The following TRIM8 variants were observed in gnomAD, a reference collection of about 807,000 sequenced individuals.
The protein encoded by TRIM8 is E3 ubiquitin-protein ligase TRIM8.
A neutral mutation model predicts 55.7 loss-of-function variants in TRIM8; 9 were observed. The observed-to-expected ratio is 0.16, with a 90% CI of 0.10 to 0.28. The LOEUF is 0.28. Ranked by LOEUF, TRIM8 falls within the 10% of genes least tolerant of loss-of-function variation. TRIM8 has a pLI of 1.00. For missense variants in TRIM8, 556 were observed against 736.4 expected, an observed-to-expected ratio of 0.76 and a Z score of 2.83; for synonymous variants, 335 against 333.3, an observed-to-expected ratio of 1.01 and a Z score of -0.06.
chr10:102,654,566 A>G, intron 1 of TRIM8, 87 bp from the exon 2 acceptor site: 1 of 1,051,966 alleles, frequency 9.5e-7, no homozygotes, highest in Non-Finnish European at 1.5e-6. Flanking sequence ...CAAAGGATCC[A>G]TAGGATGCAT....
chr10:102,645,702 G>T (rs1179315135), intron 1 of TRIM8: 1 of 152,798 alleles, frequency 6.5e-6, no homozygotes, highest in East Asian at 1.9e-4. Context: ...GGGGAGTGGG[G>T]GGAGTTTCCA....
At chr10:102,650,154 G>A (rs1037497051) in intron 1 of TRIM8, among the ~76,000 whole-genome samples, 3 of 152,078 alleles carry the variant, frequency 2.0e-5, no homozygotes, top group African/African-American at 7.2e-5. Context: ...TTGACTTGAG[G>A]GTTTTATTAT....
At chr10:102,653,765 A>C (rs2064002747) in intron 1 of TRIM8, 1 of 152,232 alleles carries the variant, frequency 6.6e-6, no homozygotes. Context: ...GATGCCCCCT[A>C]ATGTAAGGCG....
At chr10:102,645,390 C>T (rs2063925941) in intron 1 of TRIM8, 6 of 541,052 alleles carry the variant, frequency 1.1e-5, no homozygotes, top group Non-Finnish European at 1.9e-5. Flanking sequence ...CATTCTCGCA[C>T]CTGTGCGCAC....
At chr10:102,646,316 T>G (rs902082361) in intron 1 of TRIM8, among the ~76,000 whole-genome samples, 7 of 152,176 alleles carry the variant, frequency 4.6e-5, no homozygotes, top group Admixed American at 2.0e-4. Flanking sequence ...GTGTGATATC[T>G]GGGGGCTAGG....
At position 102,656,906 on chromosome 10, in the gene TRIM8, C is replaced by T. The variant is rs866417960; in HGVS notation, c.1208C>T (p.Ala403Val). 3 of 1,596,606 alleles carry T rather than the reference C, an allele frequency of 1.9e-6. No individual in the cohort carries two copies. The highest frequency in any genetic ancestry group is 1.3e-5 in the African/African-American group (1 of 74,416). The change falls in exon 6 of 6, where the codon GCG (alanine) becomes GTG (valine). Residue 403 changes from alanine to valine, a missense_variant. Transcript: ENST00000643721. This position sits in a 1 kb window ranked among gnomAD's most constrained non-coding sequence, Gnocchi z 4.6. ...SGPVGGQYGA[A>V]GTASGEGQSG... ...CCTGTGGGCGGCCAGTACGGGGCGG[C>T]GGGCACAGCCAGCGGTGAGGGCCAG...
intron 1 of TRIM8, among the ~76,000 whole-genome samples, chr10:102,646,807 T>C (rs2063939667): frequency 6.6e-6 from 1 of 152,100 alleles, no homozygotes; most frequent in Non-Finnish European, 1.5e-5. Flanking sequence ...TCCAGTTCTG[T>C]CCTGGGATTG....
Position 102,657,468 on chromosome 10 carries a change from C to T in TRIM8, c.*114C>T, listed in dbSNP as rs1404563643. Reference sequence around the variant, plus strand: ...TCCTCGCCTCCCCTCTTCCTCATTCCATTGCCCCAGGTCTTTTCCTTTTGG... The same window carrying T: ...TCCTCGCCTCCCCTCTTCCTCATTCTATTGCCCCAGGTCTTTTCCTTTTGG... On this transcript the variant is annotated 3_prime_UTR_variant, in exon 6 of 6. Transcript: ENST00000643721. The T allele has an allele frequency of 3.9e-6, 5 of 1,290,160 alleles. No individual in the cohort carries two copies. The highest frequency in any genetic ancestry group is 2.9e-5 in the Admixed American group (1 of 33,996). 79.9% of individuals were successfully genotyped at this position (1,290,160 alleles called of 1,614,324 possible).
At position 102,658,230 on chromosome 10, in the gene TRIM8, C is replaced by T. The variant is rs1052455663; in HGVS notation, c.*876C>T. 1.3e-5 allele frequency: 2 copies of T among 152,228 alleles called. No homozygotes were observed. The highest frequency in any genetic ancestry group is 2.4e-5 in the African/African-American group (1 of 41,450). 9.4% of individuals were successfully genotyped at this position (152,228 alleles called of 1,614,324 possible). A position where few individuals can be genotyped will look rare whatever the true frequency, so the allele number is the denominator to read the frequency against. Reference sequence around the variant, plus strand: ...GCACTTTGTATGAATCGTGGACTTCCTGTTCTCAAGGCGCAGGTATTTATT... The same window carrying T: ...GCACTTTGTATGAATCGTGGACTTCTTGTTCTCAAGGCGCAGGTATTTATT... On this transcript the variant is annotated 3_prime_UTR_variant, in exon 6 of 6. Coordinates refer to ENST00000643721, the MANE Select transcript of TRIM8 (RefSeq NM_030912.3).
At position 102,656,842 on chromosome 10, in the gene TRIM8, G is replaced by A. The variant is rs2064029354; in HGVS notation, c.1144G>A (p.Ala382Thr). Reference sequence around the variant, plus strand: ...GGCGGAAAAGCGCAAGCACTCAACGGCCTTCCCAGAGGCCAGTTTCCTAGA... The same window carrying A: ...GGCGGAAAAGCGCAAGCACTCAACGACCTTCCCAGAGGCCAGTTTCCTAGA... ...SGAEKRKHST[A>T]FPEASFLETS... is the part of the protein sequence containing the mutation. Residue 382 changes from alanine to threonine, a missense_variant, in exon 6 of 6, where the codon GCC becomes ACC. By Grantham distance (58) the Ala-to-Thr change is moderately conservative. Coordinates refer to ENST00000643721, the MANE Select transcript of TRIM8 (RefSeq NM_030912.3). This position sits in a 1 kb window ranked among gnomAD's most constrained non-coding sequence, Gnocchi z 4.6. 6.5e-7 allele frequency: 1 copy of A among 1,548,548 alleles called. No individual in the cohort carries two copies. Among genetic ancestry groups the A allele is most frequent in the Admixed American group, 2.0e-5 (1 of 49,758 alleles).
At position 102,656,870 on chromosome 10, in the gene TRIM8, C is replaced by T; in HGVS notation, c.1172C>T (p.Thr391Met). The T allele has an allele frequency of 6.4e-6, 10 of 1,567,472 alleles. No individual in the cohort carries two copies. The highest frequency in any genetic ancestry group is 2.2e-5 in the East Asian group (1 of 44,452). The stretch of plus-strand genomic sequence containing the variant: ...TTCCCAGAGGCCAGTTTCCTAGAGA[C>T]GTCGTCGGGCCCTGTGGGCGGCCAG... Reference protein sequence around the residue: ...TAFPEASFLETSSGPVGGQYG... With the variant: ...TAFPEASFLEMSSGPVGGQYG... Residue 391 changes from threonine to methionine, a missense_variant, in exon 6 of 6, where the codon ACG (threonine) becomes ATG (methionine). This residue lies in a region of TRIM8 where 391 missense variants were observed against 441.0 expected (regional missense o/e 0.89). Coordinates refer to ENST00000643721, the MANE Select transcript of TRIM8 (RefSeq NM_030912.3). This position sits in a 1 kb window ranked among gnomAD's most constrained non-coding sequence, Gnocchi z 4.6.
rs538222747 is a variant in TRIM8, at chr10:102,657,231, C to A, written c.1533C>A (p.Ser511=). Residue 511 remains serine (S), a synonymous_variant, in exon 6 of 6, where the codon TCC becomes TCA. Transcript: ENST00000643721. ...CACACCCGCTCCCGCCCACACCCTCCGTCCCCCAGTCCCTTCCCAGCCTGG... is the reference window on the plus strand; with the variant it reads ...CACACCCGCTCCCGCCCACACCCTCAGTCCCCCAGTCCCTTCCCAGCCTGG... The part of the protein sequence containing the change: ...EYSHPLPPTP[S]VPQSLPSLAV... 1.9e-6 allele frequency: 3 copies of A among 1,613,904 alleles called. No individual in the cohort carries two copies. The highest frequency in any genetic ancestry group is 2.2e-5 in the East Asian group (1 of 44,882).
intron 1 of TRIM8, among the ~76,000 whole-genome samples, chr10:102,647,029 A>G (rs1273009771): frequency 4.6e-5 from 7 of 152,124 alleles, no homozygotes; most frequent in African/African-American, 1.7e-4. Flanking sequence ...GTGTTTTTGA[A>G]TGTCTTTGAG....
Position 102,644,915 on chromosome 10 carries a change from C to T in TRIM8, c.298C>T (p.Pro100Ser). ...LHCVFCRRGPPLPAQKVCLRC... is the reference protein window; with the variant it reads ...LHCVFCRRGPSLPAQKVCLRC... ...CTGCGTGTTCTGCCGCCGCGGCCCC[C>T]CGCTGCCCGCGCAGAAGGTCTGCCT... Residue 100 changes from proline to serine, a missense_variant, in exon 1 of 6, where the codon CCG becomes TCG. By Grantham distance (74) the Pro-to-Ser change is moderately conservative. Around this residue, in one of 2 missense-constraint regions of TRIM8, gnomAD observed 165 missense variants for 295.3 expected, o/e 0.56. Transcript: ENST00000643721. 6.2e-7 allele frequency: 1 copy of T among 1,606,044 alleles called. No individual in the cohort carries two copies. Among genetic ancestry groups the T allele is most frequent in the Non-Finnish European group, 8.5e-7 (1 of 1,176,642 alleles).
intron 1 of TRIM8, among the ~76,000 whole-genome samples, chr10:102,651,925 C>G (rs1022205064): frequency 6.6e-6 from 1 of 152,212 alleles, no homozygotes; most frequent in Non-Finnish European, 1.5e-5. Context: ...ATACCTGAGG[C>G]GGGCTCGGGG....
In TRIM8 at chr10:102,656,021, G is replaced by C. The variant is rs574656878; in HGVS notation, c.901-85G>C. 1.4e-4 allele frequency: 224 copies of C among 1,604,264 alleles called. No individual in the cohort carries two copies. Among genetic ancestry groups the C allele is most frequent in the East Asian group, 5.4e-4 (24 of 44,802 alleles). The stretch of plus-strand genomic sequence containing the variant: ...TCCACCCAGCCTGGGGGAGGCTCAG[G>C]GGGGGCAGCTTTTGTCTTCCCCTCT... On this transcript the variant is annotated intron_variant, in intron 3 of 5. Transcript: ENST00000643721. The surrounding 1 kb of genome is among the most constrained non-coding windows in gnomAD (Gnocchi z 4.6).
intron 1 of TRIM8, chr10:102,645,821 T>C (rs530515995): frequency 1.3e-5 from 2 of 152,446 alleles, no homozygotes; most frequent in African/African-American, 4.8e-5. Context: ...GCTCTCCCTG[T>C]GTGAGAATCG....
In TRIM8 at chr10:102,644,596, C is replaced by T. The variant is rs2063917938; in HGVS notation, c.-22C>T. On this transcript the variant is annotated 5_prime_UTR_variant, in exon 1 of 6. Coordinates refer to ENST00000643721, the MANE Select transcript of TRIM8 (RefSeq NM_030912.3). ...GCTGGGGAGTCGGGGAGGCCTGCCC[C>T]GGCCCCCTGCCCGCGGCCGCCATGG... 3 of 1,606,400 alleles carry T rather than the reference C, an allele frequency of 1.9e-6. No homozygotes were observed. The highest frequency in any genetic ancestry group is 1.8e-4 in the Middle Eastern group (1 of 5,442).
intron 1 of TRIM8, among the ~76,000 whole-genome samples, chr10:102,650,068 T>C (rs1026215168): frequency 6.6e-6 from 1 of 151,642 alleles, no homozygotes; most frequent in African/African-American, 2.4e-5. Flanking sequence ...GCCATGGTCT[T>C]GTCTGAAAAC....
Sources: gnomAD v4.1 joint callset for allele counts (sites outside exome capture counted in the v4.1 genomes callset) on GRCh38, gnomAD v4.1.1 for gene constraint, gnomAD v4.1.1 regional missense constraint, Gnocchi (gnomAD v3.1) non-coding constraint, MANE v1.5 for transcripts, NCBI Gene and HGNC (gene_info 2026-07-23, HGNC 2026-07-21) for gene names.